The following ZNF30 variants were observed in gnomAD, a reference collection of about 807,000 sequenced individuals.
ZNF30 encodes zinc finger protein 30.
In ZNF30, 15 loss-of-function variants were observed where a neutral mutation model predicts 13.2. The observed-to-expected ratio is 1.13, with a 90% CI of 0.76 to 1.75. The LOEUF is 1.75. ZNF30 is among the 40% of genes most tolerant of loss of function. ZNF30 has a pLI of 0.00. For synonymous variants in ZNF30, 223 were observed against 256.6 expected (o/e 0.87, Z 1.25); for missense variants, 726 against 757.0 (o/e 0.96, Z 0.48).
intron 1 of ZNF30, among the ~76,000 whole-genome samples, chr19:34,929,140 G>T (rs1291663386): frequency 6.6e-6 from 1 of 152,134 alleles, no homozygotes; most frequent in African/African-American, 2.4e-5. Context: ...ACTTAGCTGG[G>T]CGTGACTATG....
chr19:34,933,601 T>G lies in ZNF30; in HGVS notation c.161-27T>G, dbSNP rs1256518752. On this transcript the variant is annotated intron_variant, in intron 3 of 4. Transcript: ENST00000601142. ...TATTTTTGAACTCATATTTTATTTC[T>G]TTTCTACATTCTTATCTCATAAGCA... 7.2e-6 allele frequency: 11 copies of G among 1,527,280 alleles called. No homozygotes were observed. The African/African-American group carries it at 1.5e-4, about 21-fold the overall frequency. The allele number at this position is 1,527,280 out of a possible 1,614,324, so 94.6% of individuals were successfully genotyped here.
rs1446611388 is a variant in ZNF30 at position 34,936,203 on chromosome 19, A to G, written c.256+2480A>G. 3.9e-5 allele frequency among the ~76,000 whole-genome samples: 6 copies of G among 152,286 alleles called. No individual in the cohort carries two copies. In the South Asian group the frequency reaches 6.2e-4, roughly 16 times the overall value. On this transcript the variant is annotated intron_variant, in intron 4 of 4. Coordinates refer to ENST00000601142, the MANE Select transcript of ZNF30 (RefSeq NM_194325.3). ...GTTTATGTTTTTAGATAATTACTCC[A>G]GGTATTTGTAGTGGGTAGTCTGAAT...
At chr19:34,924,467 C>T (rs187167982), upstream of ZNF30, among the ~76,000 whole-genome samples, 29 of 152,258 alleles carry the variant, frequency 1.9e-4, no homozygotes, top group Admixed American at 4.6e-4. Flanking sequence ...GACATTTTGA[C>T]GGCTATTTAC....
intron 3 of ZNF30, 121 bp from the exon 4 acceptor site, chr19:34,933,507 C>G (rs1030603935): frequency 1.6e-6 from 1 of 627,214 alleles, no homozygotes; most frequent in African/African-American, 1.8e-5. Flanking sequence ...TTGCCCTTCT[C>G]GTGTCTGAGA....
intron 4 of ZNF30, among the ~76,000 whole-genome samples, chr19:34,936,512 G>C (rs1179522078): frequency 6.6e-6 from 1 of 152,172 alleles, no homozygotes; most frequent in African/African-American, 2.4e-5. Flanking sequence ...TTAAGTTGGA[G>C]ATGACTCCTG....
intron 4 of ZNF30, among the ~76,000 whole-genome samples, chr19:34,941,794 G>A (rs572048047): frequency 4.7e-4 from 72 of 152,228 alleles, no homozygotes; most frequent in Non-Finnish European, 8.8e-4. Context: ...CAGTGATCTC[G>A]TCCTATGGGC....
chr19:34,935,112 T>A lies in ZNF30; in HGVS notation c.256+1389T>A, dbSNP rs376300787. On this transcript the variant is annotated intron_variant, in intron 4 of 4. Transcript: ENST00000601142. ...CAGGCGTGGTGGCGGGCGCCTGTGG[T>A]CCCAGCTACTCGGGAGGCTGAGGCA... is the stretch of plus-strand genomic sequence containing the variant. Among the ~76,000 whole-genome samples, 434 of 151,880 alleles carry A rather than the reference T, an allele frequency of 2.9e-3. 12 individuals are homozygous for A. The highest frequency in any genetic ancestry group is 1.0e-2 in the African/African-American group (414 of 41,412).
rs142285130 is a variant in ZNF30, at chr19:34,935,700, GT to G, written c.256+2002del. Reference sequence around the variant, plus strand: ...AGTTTTGTTGTATATGTTGTCTATAGTTTTTTTTTTTTTTTTTTTTTTTTTA... The same window carrying G: ...AGTTTTGTTGTATATGTTGTCTATAGTTTTTTTTTTTTTTTTTTTTTTTTA... On this transcript the variant is annotated intron_variant, in intron 4 of 4. Coordinates refer to ENST00000601142, the MANE Select transcript of ZNF30 (RefSeq NM_194325.3). 4.3e-3 allele frequency among the ~76,000 whole-genome samples: 358 copies of G among 84,186 alleles called. 2 individuals carry two copies. The highest frequency in any genetic ancestry group is 0.015 in the African/African-American group (281 of 19,342). The allele number at this position is 84,186 out of a possible 152,430, so 55.2% of individuals were successfully genotyped here.
intron 4 of ZNF30, among the ~76,000 whole-genome samples, chr19:34,935,589 C>T (rs1164584058): frequency 6.6e-6 from 1 of 152,084 alleles, no homozygotes; most frequent in Non-Finnish European, 1.5e-5. Flanking sequence ...TTTTCCTGCA[C>T]AGATGCCTAG....
Position 34,943,670 on chromosome 19 carries a change from G to C in ZNF30, c.704G>C (p.Gly235Ala). The C allele has an allele frequency of 6.2e-7, 1 of 1,613,500 alleles. No individual in the cohort carries two copies. Among genetic ancestry groups the C allele is most frequent in the Non-Finnish European group, 8.5e-7 (1 of 1,179,696 alleles). ...IHTGKKPYEC[G>A]ECGKAFLVYG... ...ACTGGGAAGAAACCATATGAGTGCG[G>C]GGAATGTGGGAAAGCTTTTCTAGTA... The change falls in exon 5 of 5, where the codon GGG (glycine) becomes GCG (alanine). Residue 235 changes from glycine to alanine, a missense_variant. By Grantham distance (60) the Gly-to-Ala change is moderately conservative. Coordinates refer to ENST00000601142, the MANE Select transcript of ZNF30 (RefSeq NM_194325.3).
intron 3 of ZNF30, 83 bp downstream of exon 3, chr19:34,932,076 C>A: frequency 8.0e-7 from 1 of 1,244,538 alleles, no homozygotes; most frequent in Non-Finnish European, 1.1e-6. Flanking sequence ...AGCTTAAGAA[C>A]TGAACACGAT....
Position 34,933,635 on chromosome 19 carries a change from C to T in ZNF30, c.168C>T (p.Ser56=). ...NYRNLVSMGH[S]RSKPHVIALL... ...TTCTTATCTCATAAGCAGGACATTC[C>T]CGTTCTAAACCACATGTGATCGCCT... is the stretch of plus-strand genomic sequence containing the variant. The change falls in exon 4 of 5, where the codon TCC becomes TCT. Residue 56 remains serine, a synonymous_variant. Coordinates refer to ENST00000601142, the MANE Select transcript of ZNF30 (RefSeq NM_194325.3). 1.9e-6 allele frequency: 3 copies of T among 1,596,264 alleles called. No individual in the cohort carries two copies. The highest frequency in any genetic ancestry group is 2.6e-6 in the Non-Finnish European group (3 of 1,170,754).
chr19:34,941,522 A>C (rs985536215), intron 4 of ZNF30, among the ~76,000 whole-genome samples: 18 of 152,196 alleles, frequency 1.2e-4, no homozygotes, highest in Non-Finnish European at 1.0e-4. Context: ...TGGTTTCCCA[A>C]AGTGCTGGGA....
chr19:34,944,601 T>TG lies in ZNF30; in HGVS notation c.1638dup (p.Lys547GlufsTer19), dbSNP rs762959665. The TG allele has an allele frequency of 6.2e-7, 1 of 1,614,122 alleles. No individual in the cohort carries two copies. Among genetic ancestry groups the TG allele is most frequent in the Non-Finnish European group, 8.5e-7 (1 of 1,179,974 alleles). ...AGAAACCCTATGAATGTAACAAATG[T>TG]GGGAAAGCCTTTACTGTTTATGGAC... On this transcript the variant is annotated frameshift_variant, in exon 5 of 5. Transcript: ENST00000601142. LOFTEE classifies it low-confidence loss of function (END_TRUNC).
In ZNF30 at chr19:34,945,000, G is replaced by C; in HGVS notation, c.*162G>C. On this transcript the variant is annotated 3_prime_UTR_variant, in exon 5 of 5. Transcript: ENST00000601142. ...TCAGAAAACATAAGAATATTCCTTT[G>C]TCATTTATAGGTTTGTAATACCAAT... is the stretch of plus-strand genomic sequence containing the variant. 2.8e-6 allele frequency: 2 copies of C among 706,100 alleles called. No homozygotes were observed. The highest frequency in any genetic ancestry group is 4.3e-6 in the Non-Finnish European group (2 of 463,244). 43.7% of individuals were successfully genotyped at this position (706,100 alleles called of 1,614,324 possible).
chr19:34,925,906 C>G (rs2012054549), upstream of ZNF30, among the ~76,000 whole-genome samples: 1 of 152,146 alleles, frequency 6.6e-6, no homozygotes, highest in Admixed American at 6.5e-5. Context: ...GCCGCGGTGG[C>G]TCACCCTGTC....
intron 1 of ZNF30, among the ~76,000 whole-genome samples, chr19:34,928,512 C>G (rs2012250554): frequency 6.6e-6 from 1 of 151,852 alleles, no homozygotes; most frequent in Non-Finnish European, 1.5e-5. Flanking sequence ...TATAGTTGTT[C>G]TATTTTATTA....
rs763819846 is a variant in ZNF30, at chr19:34,944,867, T to A, written c.*29T>A. 1 of 1,526,032 alleles carries A rather than the reference T, an allele frequency of 6.6e-7. No homozygotes were observed. Among genetic ancestry groups the A allele is most frequent in the Non-Finnish European group, 8.8e-7 (1 of 1,135,946 alleles). 94.5% of individuals were successfully genotyped at this position (1,526,032 alleles called of 1,614,324 possible). A position where few individuals can be genotyped will look rare whatever the true frequency, so the allele number is the denominator to read the frequency against. ...TCTGAGGAGTGTGGGAAGTGCTTCG[T>A]GTGTGGCTCAAACATTGTTGAACAT... On this transcript the variant is annotated 3_prime_UTR_variant, in exon 5 of 5. Transcript: ENST00000601142.
In ZNF30 at chr19:34,935,640, T is replaced by C. The variant is rs527861348; in HGVS notation, c.256+1917T>C. 3.3e-5 allele frequency among the ~76,000 whole-genome samples: 5 copies of C among 151,864 alleles called. No homozygotes were observed. In the South Asian group the frequency reaches 6.2e-4, roughly 19 times the overall value. On this transcript the variant is annotated intron_variant, in intron 4 of 4. Coordinates refer to ENST00000601142, the MANE Select transcript of ZNF30 (RefSeq NM_194325.3). ...GCTGTAGTATTTTGTCTTTGTCTCCTAGAATTTTGCCATTTTGAGGGTACC... is the reference window on the plus strand; with the variant it reads ...GCTGTAGTATTTTGTCTTTGTCTCCCAGAATTTTGCCATTTTGAGGGTACC...
Sources: allele counts gnomAD v4.1 joint callset (sites outside exome capture counted in the v4.1 genomes callset), GRCh38; gene constraint gnomAD v4.1.1; transcripts MANE v1.5; gene names NCBI Gene and HGNC (gene_info 2026-07-23, HGNC 2026-07-21).